KLF8: variants seen among roughly 807,000 people sequenced by gnomAD.
The protein encoded by KLF8 is Krueppel-like factor 8.
A neutral mutation model predicts 18.2 loss-of-function variants in KLF8; 10 were observed. The ratio of observed to expected loss-of-function variants is 0.55; its 90% CI spans 0.34 to 0.93. The LOEUF (loss-of-function observed/expected upper bound fraction) is 0.93. Among genes scored for constraint, KLF8 ranks in the 40% least tolerant of loss-of-function variants. The pLI, the probability that KLF8 is intolerant of heterozygous loss-of-function variation, is 0.02. For synonymous variants in KLF8, 109 were observed against 97.3 expected (o/e 1.12, Z -0.71); for missense variants, 264 against 277.9 (o/e 0.95, Z 0.36).
chrX:56,204,956 C>T, the KLF8 span, among the ~76,000 whole-genome samples: 1 of 110,719 alleles, frequency 9.0e-6, no homozygotes, highest in Non-Finnish European at 1.9e-5. Flanking sequence ...CCTTCCCCAC[C>T]TTTGTTCTAA....
the KLF8 span, among the ~76,000 whole-genome samples, chrX:56,196,464 A>G: frequency 8.9e-6 from 1 of 112,098 alleles, no homozygotes; most frequent in Non-Finnish European, 1.9e-5. Flanking sequence ...GTGGTAAAAC[A>G]CACTTTAAAC....
the KLF8 span, among the ~76,000 whole-genome samples, chrX:56,084,200 G>A: frequency 9.0e-6 from 1 of 110,853 alleles, no homozygotes; most frequent in African/African-American, 3.3e-5. Context: ...GCAATATAGG[G>A]AGACCTTGTC....
the KLF8 span, among the ~76,000 whole-genome samples, chrX:55,967,441 A>C: frequency 1.8e-5 from 2 of 110,979 alleles, no homozygotes; most frequent in African/African-American, 6.5e-5. Flanking sequence ...ATCTTACAGG[A>C]CAGGAAAGAG....
chrX:56,004,220 G>T, the KLF8 span, among the ~76,000 whole-genome samples: 64 of 112,481 alleles, frequency 5.7e-4, no homozygotes, highest in African/African-American at 2.1e-3. Context: ...AAGGTCAAAT[G>T]AGTCAATACA....
chrX:56,116,539 C>A, the KLF8 span, among the ~76,000 whole-genome samples: 12 of 107,813 alleles, frequency 1.1e-4, no homozygotes, highest in African/African-American at 4.1e-4. Context: ...AGAAGATGGG[C>A]ATCAGCTGGA....
At chrX:56,003,698 G>T in the KLF8 span, among the ~76,000 whole-genome samples, 1 of 111,721 alleles carries the variant, frequency 9.0e-6, no homozygotes, top group East Asian at 2.8e-4. Context: ...TTGCATCTAT[G>T]GCTTATTTTC....
the KLF8 span, among the ~76,000 whole-genome samples, chrX:56,114,552 G>A: frequency 8.9e-6 from 1 of 112,679 alleles, no homozygotes; most frequent in Non-Finnish European, 1.9e-5. Flanking sequence ...AGTAGACATT[G>A]GGTGTGACTA....
At chrX:56,223,374 C>T in the KLF8 span, among the ~76,000 whole-genome samples, 1 of 112,371 alleles carries the variant, frequency 8.9e-6, no homozygotes, top group South Asian at 3.7e-4. Context: ...CAAACTCTTA[C>T]TCCAATTATC....
the KLF8 span, among the ~76,000 whole-genome samples, chrX:56,035,559 G>C: frequency 8.9e-6 from 1 of 111,873 alleles, no homozygotes; most frequent in South Asian, 3.7e-4. Context: ...TCATTATAGT[G>C]GTACTAAGTT....
At chrX:56,073,938 G>A in the KLF8 span, among the ~76,000 whole-genome samples, 1 of 111,260 alleles carries the variant, frequency 9.0e-6, no homozygotes, top group Non-Finnish European at 1.9e-5. Context: ...GTAGAGACGG[G>A]GGTTTCACCA....
chrX:56,033,821 C>A, the KLF8 span, among the ~76,000 whole-genome samples: 1 of 112,071 alleles, frequency 8.9e-6, no homozygotes, highest in Non-Finnish European at 1.9e-5. Flanking sequence ...TGAGAAATGT[C>A]TTTTCAGATC....
the KLF8 span, among the ~76,000 whole-genome samples, chrX:56,076,973 CT>C: frequency 9.0e-6 from 1 of 111,693 alleles, no homozygotes; most frequent in Admixed American, 9.5e-5. Flanking sequence ...CCTTTGCCCA[CT>C]TTTTGACGGG....
the KLF8 span, among the ~76,000 whole-genome samples, chrX:56,135,620 C>T: frequency 9.1e-6 from 1 of 109,777 alleles, no homozygotes; most frequent in Non-Finnish European, 1.9e-5. Context: ...TTAATGGGTG[C>T]AGCACACCAG....
chrX:56,176,174 G>A, the KLF8 span, among the ~76,000 whole-genome samples: 71 of 112,039 alleles, frequency 6.3e-4, no homozygotes, highest in African/African-American at 2.2e-3. Flanking sequence ...TTGCTCATTA[G>A]CTGATGCAGT....
the KLF8 span, among the ~76,000 whole-genome samples, chrX:56,205,364 G>C: frequency 1.8e-5 from 2 of 111,619 alleles, no homozygotes; most frequent in African/African-American, 6.5e-5. Flanking sequence ...ATATTAAATA[G>C]AAACTAGCTA....
At chrX:56,058,217 CGT>C in the KLF8 span, among the ~76,000 whole-genome samples, 3 of 42,331 alleles carry the variant, frequency 7.1e-5, no homozygotes, top group South Asian at 2.3e-3. Context: ...CATATATATA[CGT>C]GTATATATAT....
At chrX:55,937,961 T>C in the KLF8 span, among the ~76,000 whole-genome samples, 1 of 112,125 alleles carries the variant, frequency 8.9e-6, no homozygotes, top group African/African-American at 3.2e-5. Flanking sequence ...CAGGCTATTA[T>C]TGAGGAGAAC....
the KLF8 span, among the ~76,000 whole-genome samples, chrX:55,945,429 G>T: frequency 2.7e-5 from 3 of 110,965 alleles, no homozygotes; most frequent in African/African-American, 6.6e-5. Flanking sequence ...TTGACAGTGG[G>T]GTGTTAAAGT....
At position 56,285,160 on chromosome X, in the gene KLF8, C is replaced by G. The variant is rs2067254616; in HGVS notation, c.*666C>G. On this transcript the variant is annotated 3_prime_UTR_variant, in exon 6 of 6. Coordinates refer to ENST00000468660, the MANE Select transcript of KLF8 (RefSeq NM_007250.5). ...AAGTTCATCAAGGGAATGAGGAGTT[C>G]TTGTCCTTCTCCTCCTCTTTTTTTT... 1 of 112,185 alleles carries G rather than the reference C, an allele frequency of 8.9e-6. No individual in the cohort carries two copies. Among genetic ancestry groups the G allele is most frequent in the African/African-American group, 3.2e-5 (1 of 30,878 alleles). The allele number at this position is 112,185 out of a possible 1,213,427, so 9.2% of individuals were successfully genotyped here. A position where few individuals can be genotyped will look rare whatever the true frequency, so the allele number is the denominator to read the frequency against.
Sources: gnomAD v4.1 joint callset for allele counts (sites outside exome capture counted in the v4.1 genomes callset) on GRCh38, gnomAD v4.1.1 for gene constraint, MANE v1.5 for transcripts, NCBI Gene and HGNC (gene_info 2026-07-23, HGNC 2026-07-21) for gene names.